Variants in GRM3 observed in about 807,000 individuals in gnomAD.
GRM3 encodes metabotropic glutamate receptor 3.
Under a neutral mutation model 70.5 loss-of-function variants are expected in GRM3, and 26 were observed. The observed-to-expected ratio is 0.37, with a 90% CI of 0.27 to 0.51. The LOEUF (loss-of-function observed/expected upper bound fraction) is 0.51. Among genes scored for constraint, GRM3 ranks in the 20% least tolerant of loss-of-function variants. The pLI, the probability that GRM3 is intolerant of heterozygous loss-of-function variation, is 0.93. For missense variants in GRM3, 859 were observed against 1,123.8 expected, an observed-to-expected ratio of 0.76 and a Z score of 3.37; for synonymous variants, 443 against 434.9, an observed-to-expected ratio of 1.02 and a Z score of -0.23.
At position 86,864,320 on chromosome 7, in the gene GRM3, C is replaced by CG; in HGVS notation, c.2608dup (p.Glu870GlyfsTer25). Reference sequence around the variant, plus strand: ...GTATGTGCCAACGGTGTGCAATGGGCGGGAAGTCCTCGACTCCACCACCTC... The same window carrying CG: ...GTATGTGCCAACGGTGTGCAATGGGCGGGGAAGTCCTCGACTCCACCACCTC... On this transcript the variant is annotated frameshift_variant, in exon 6 of 6. Coordinates refer to ENST00000361669, the MANE Select transcript of GRM3 (RefSeq NM_000840.3). LOFTEE classifies it high-confidence loss of function. 6.2e-7 allele frequency: 1 copy of CG among 1,608,984 alleles called. No individual in the cohort carries two copies. Among genetic ancestry groups the CG allele is most frequent in the Non-Finnish European group, 8.5e-7 (1 of 1,175,482 alleles).
intron 1 of GRM3, among the ~76,000 whole-genome samples, chr7:86,674,863 C>T (rs1173656625): frequency 1.3e-5 from 2 of 152,080 alleles, no homozygotes; most frequent in African/African-American, 2.4e-5. Context: ...ATTTCTTGCC[C>T]TCTGTGAGTG....
chr7:86,791,863 C>T (rs2116577224), intron 3 of GRM3, among the ~76,000 whole-genome samples: 1 of 152,178 alleles, frequency 6.6e-6, no homozygotes, highest in Admixed American at 6.5e-5. Context: ...GATTCCAAAC[C>T]TTAGTATATT....
chr7:86,737,865 T>A (rs1039917668), intron 1 of GRM3, among the ~76,000 whole-genome samples: 2 of 152,216 alleles, frequency 1.3e-5, no homozygotes, highest in African/African-American at 4.8e-5. Flanking sequence ...TATCAATCTA[T>A]AAGCTGGCAG....
chr7:86,724,790 TA>T (rs5885559), intron 1 of GRM3, among the ~76,000 whole-genome samples: 53,839 of 151,922 alleles, frequency 0.35, 10,767 homozygotes, highest in African/African-American at 0.55. Flanking sequence ...CTATTCAGTT[TA>T]GCACTCACTT....
chr7:86,753,032 A>G (rs904741931), intron 1 of GRM3, among the ~76,000 whole-genome samples: 1 of 152,002 alleles, frequency 6.6e-6, no homozygotes, highest in East Asian at 1.9e-4. Context: ...AACACTAAAC[A>G]ATTCAGAATT....
intron 1 of GRM3, among the ~76,000 whole-genome samples, chr7:86,751,345 T>C (rs2237556): frequency 0.35 from 52,766 of 151,966 alleles, 10,251 homozygotes; most frequent in African/African-American, 0.53. Context: ...ATGTTTTGTT[T>C]AGCTGTTAAT....
At chr7:86,803,724 T>C (rs1377785256) in intron 3 of GRM3, among the ~76,000 whole-genome samples, 3 of 152,174 alleles carry the variant, frequency 2.0e-5, no homozygotes, top group Non-Finnish European at 4.4e-5. Context: ...CAGCCCTTTT[T>C]TCGCATCCCA....
intron 4 of GRM3, among the ~76,000 whole-genome samples, chr7:86,841,380 A>T (rs1798556376): frequency 6.6e-6 from 1 of 152,198 alleles, no homozygotes; most frequent in Admixed American, 6.5e-5. Context: ...AAGAGGAAAC[A>T]TCAGAGCTGA....
Position 86,756,984 on chromosome 7 carries a change from T to G in GRM3, c.-140-8022T>G, listed in dbSNP as rs537490825. On this transcript the variant is annotated intron_variant, in intron 1 of 5. Transcript: ENST00000361669. ...CAATCTGTTGCCTCCTGTCATGAAA[T>G]CTTTATTTTAAATATTGTACTTCTG... is the stretch of plus-strand genomic sequence containing the variant. Among the ~76,000 whole-genome samples the G allele has an allele frequency of 4.6e-5, 7 of 152,260 alleles. No homozygotes were observed. In the South Asian group the frequency reaches 1.5e-3, roughly 32 times the overall value.
At chr7:86,736,589 A>G (rs928969654) in intron 1 of GRM3, among the ~76,000 whole-genome samples, 1 of 152,216 alleles carries the variant, frequency 6.6e-6, no homozygotes, top group African/African-American at 2.4e-5. Flanking sequence ...CAAAGAGACC[A>G]GGTGCTTTCC....
At chr7:86,832,311 C>T (rs1279056098) in intron 3 of GRM3, among the ~76,000 whole-genome samples, 4 of 137,196 alleles carry the variant, frequency 2.9e-5, no homozygotes, top group South Asian at 2.3e-4. Flanking sequence ...AGTGCAATGG[C>T]GCGATCTCAG....
intron 3 of GRM3, among the ~76,000 whole-genome samples, chr7:86,799,290 GCAAA>G (rs1461314213): frequency 6.6e-6 from 1 of 152,150 alleles, no homozygotes; most frequent in Non-Finnish European, 1.5e-5. Flanking sequence ...CATGGCATCT[GCAAA>G]CAGAGAAAGT....
intron 3 of GRM3, among the ~76,000 whole-genome samples, chr7:86,806,766 A>G (rs1243723610): frequency 1.3e-5 from 2 of 152,022 alleles, no homozygotes; most frequent in Non-Finnish European, 2.9e-5. Flanking sequence ...CTCATTAGTC[A>G]ATTTTGGCTT....
chr7:86,816,039 C>G (rs144527280), intron 3 of GRM3, among the ~76,000 whole-genome samples: 51 of 151,844 alleles, frequency 3.4e-4, no homozygotes, highest in African/African-American at 1.2e-3. Context: ...TAAGAATGGC[C>G]AGGTAAAGTT....
At chr7:86,710,793 T>A (rs1795179948) in intron 1 of GRM3, among the ~76,000 whole-genome samples, 2 of 152,052 alleles carry the variant, frequency 1.3e-5, no homozygotes, top group African/African-American at 4.8e-5. Flanking sequence ...AACTAGATAA[T>A]AACATGTCTT....
intron 4 of GRM3, among the ~76,000 whole-genome samples, chr7:86,843,516 A>G (rs555702764): frequency 1.3e-5 from 2 of 152,354 alleles, no homozygotes; most frequent in South Asian, 2.1e-4. Context: ...CTGTATCACA[A>G]CTAACCATTC....
intron 1 of GRM3, among the ~76,000 whole-genome samples, chr7:86,646,008 G>GTTA (rs1793459403): frequency 9.4e-6 from 1 of 106,890 alleles, no homozygotes. Flanking sequence ...TGGGGGGGTG[G>GTTA]GGGGGGGTGG....
At chr7:86,763,479 G>T (rs999190681) in intron 1 of GRM3, among the ~76,000 whole-genome samples, 5 of 152,108 alleles carry the variant, frequency 3.3e-5, no homozygotes, top group African/African-American at 1.2e-4. Flanking sequence ...AGGTACATAG[G>T]TTCATGTGTG....
chr7:86,838,382 C>G (rs1324089303), intron 3 of GRM3, among the ~76,000 whole-genome samples: 1 of 151,916 alleles, frequency 6.6e-6, no homozygotes, highest in East Asian at 1.9e-4. Context: ...TATTTTGAAG[C>G]AGAAAAATTC....
Sources: allele counts gnomAD v4.1 joint callset (sites outside exome capture counted in the v4.1 genomes callset), GRCh38; gene constraint gnomAD v4.1.1; transcripts MANE v1.5; gene names NCBI Gene and HGNC (gene_info 2026-07-23, HGNC 2026-07-21).